The following CPSF7 variants were observed in gnomAD, a reference collection of about 807,000 sequenced individuals.
The protein encoded by CPSF7 is cleavage and polyadenylation specificity factor subunit 7.
CPSF7 carries 1 observed loss-of-function variant against 44.3 expected under a neutral mutation model. The observed-to-expected ratio is 0.02, with a 90% confidence interval of 0.01 to 0.11. The LOEUF is 0.11. CPSF7 is among the 10% of genes least tolerant of loss of function. The pLI, the probability that CPSF7 is intolerant of heterozygous loss-of-function variation, is 1.00. For synonymous variants in CPSF7, 202 were observed against 222.0 expected, an observed-to-expected ratio of 0.91 and a Z score of 0.80; for missense variants, 443 against 607.2, an observed-to-expected ratio of 0.73 and a Z score of 2.84.
chr11:61,423,636 A>C (rs933963370), intron 2 of CPSF7, among the ~76,000 whole-genome samples: 1 of 152,230 alleles, frequency 6.6e-6, no homozygotes, highest in African/African-American at 2.4e-5. Context: ...TTCTTTTAAA[A>C]AGGGAATAAA....
At chr11:61,412,756 C>A (rs1342151142) in intron 7 of CPSF7, among the ~76,000 whole-genome samples, 1 of 152,102 alleles carries the variant, frequency 6.6e-6, no homozygotes, top group African/African-American at 2.4e-5. Context: ...GCCAGGCACA[C>A]AGTAAGGATC....
intron 2 of CPSF7, among the ~76,000 whole-genome samples, chr11:61,425,215 G>A (rs1861243715): frequency 6.6e-6 from 1 of 152,148 alleles, no homozygotes. Flanking sequence ...GAAGAAACAA[G>A]GTATCAAATT....
At chr11:61,425,398 A>G (rs1565118626) in intron 2 of CPSF7, among the ~76,000 whole-genome samples, 1 of 152,258 alleles carries the variant, frequency 6.6e-6, no homozygotes, top group South Asian at 2.1e-4. Flanking sequence ...ACTGATGTTC[A>G]AAGTTTCATT....
rs1860759816 is a variant in CPSF7 at position 61,420,475 on chromosome 11, G to A, written c.372C>T (p.Ser124=). The A allele has an allele frequency of 6.2e-7, 1 of 1,611,684 alleles. No individual in the cohort carries two copies. Among genetic ancestry groups the A allele is most frequent in the South Asian group, 1.1e-5 (1 of 91,046 alleles). The change falls in exon 4 of 10, where the codon TCC becomes TCT. Residue 124 remains serine, a synonymous_variant. Transcript: ENST00000439958. ...KFAENRANGQ[S]KGYAEVVVAS... ...TTCTCAAATCCAGACCTCACCCTTT[G>A]GACTGGCCATTTGCTCGATTCTCTG...
intron 2 of CPSF7, among the ~76,000 whole-genome samples, chr11:61,424,269 A>C (rs2135391664): frequency 6.6e-6 from 1 of 152,350 alleles, no homozygotes; most frequent in South Asian, 2.1e-4. Flanking sequence ...TGTGTAAGTA[A>C]TCACTATAAA....
At chr11:61,415,919 A>G (rs2135321821) in intron 6 of CPSF7, 135 bp from the exon 7 acceptor site, 1 of 851,938 alleles carries the variant, frequency 1.2e-6, no homozygotes, top group South Asian at 1.7e-5. Flanking sequence ...CTGCTCCCGC[A>G]TTTAATTAAG....
intron 7 of CPSF7, among the ~76,000 whole-genome samples, chr11:61,414,390 T>TA (rs1336623408): frequency 5.9e-5 from 9 of 152,076 alleles, no homozygotes; most frequent in African/African-American, 2.2e-4. Context: ...TCAAGTGATT[T>TA]ACCGGCCTTG....
At chr11:61,424,800 A>G (rs757417085) in intron 2 of CPSF7, among the ~76,000 whole-genome samples, 9 of 152,322 alleles carry the variant, frequency 5.9e-5, no homozygotes, top group Middle Eastern at 6.8e-3. Flanking sequence ...TAAACAGAAT[A>G]AGGAAACACA....
intron 4 of CPSF7, 44 bp downstream of exon 4, chr11:61,420,426 C>T: frequency 6.7e-7 from 1 of 1,498,744 alleles, no homozygotes; most frequent in African/African-American, 1.4e-5. Context: ...TCTTTTATCC[C>T]AATGGTTACA....
intron 8 of CPSF7, 122 bp from the exon 9 acceptor site, chr11:61,411,227 C>G: frequency 1.0e-6 from 1 of 972,314 alleles, no homozygotes; most frequent in Non-Finnish European, 1.5e-6. Context: ...CATGGGCCTG[C>G]TGTCTGAGGA....
intron 2 of CPSF7, among the ~76,000 whole-genome samples, chr11:61,423,481 C>T (rs567334544): frequency 1.3e-5 from 2 of 152,190 alleles, no homozygotes; most frequent in South Asian, 4.2e-4. Flanking sequence ...TCAGAGAAAT[C>T]TTTTTAAGGA....
chr11:61,425,630 G>T (rs1046235276), intron 2 of CPSF7, among the ~76,000 whole-genome samples: 1 of 152,156 alleles, frequency 6.6e-6, no homozygotes, highest in Non-Finnish European at 1.5e-5. Context: ...CCCACTGAGG[G>T]AAGTAACTAG....
At chr11:61,419,843 C>T (rs2135356889) in intron 5 of CPSF7, 106 bp downstream of exon 5, 4 of 1,423,560 alleles carry the variant, frequency 2.8e-6, no homozygotes, top group East Asian at 2.3e-5. Flanking sequence ...CCCAAACTCA[C>T]CCACACTGTA....
chr11:61,419,906 G>C, intron 5 of CPSF7, 43 bp downstream of exon 5: 1 of 1,593,618 alleles, frequency 6.3e-7, no homozygotes, highest in South Asian at 1.1e-5. Flanking sequence ...CCCTCATACA[G>C]ATGGTCTCCA....
intron 1 of CPSF7, 32 bp downstream of exon 1, chr11:61,429,882 C>T: frequency 6.5e-7 from 1 of 1,526,880 alleles, no homozygotes; most frequent in Non-Finnish European, 8.8e-7. Context: ...CTCTTCCGGC[C>T]CAACCTGCCC....
rs370532750 is a variant in CPSF7, at chr11:61,411,095, G to A, written c.1237C>T (p.Arg413Cys). 4.4e-6 allele frequency: 7 copies of A among 1,608,674 alleles called. No individual in the cohort carries two copies. The highest frequency in any genetic ancestry group is 1.1e-5 in the South Asian group (1 of 90,454). ...ASGSSSRKRH[R>C]SRERSPSRSR... ...CGGCTAGGTGACCTTTCCCGGGAGC[G>A]ATGTCTTTTCCTATTAGAAAGATCC... is the stretch of plus-strand genomic sequence containing the variant. The change falls in exon 9 of 10, where the codon CGC becomes TGC. Residue 413 changes from arginine (R) to cysteine (C), a missense_variant. Physicochemically the swap from Arg to Cys is radical, Grantham distance 180. Transcript: ENST00000439958.
intron 4 of CPSF7, 94 bp downstream of exon 4, chr11:61,420,376 G>T: frequency 8.8e-7 from 1 of 1,132,554 alleles, no homozygotes; most frequent in South Asian, 1.4e-5. Context: ...TGGGCCAGGG[G>T]TGGGAGTGAT....
rs573081732 is a variant in CPSF7 at position 61,403,421 on chromosome 11, T to G, written c.*1289A>C. ...CAACCACATTACAATTTGGATGTTA[T>G]GGAAAAGCAATTCCATTTGCCTGTA... is the stretch of plus-strand genomic sequence containing the variant. On this transcript the variant is annotated 3_prime_UTR_variant, in exon 10 of 10. Coordinates refer to ENST00000439958, the MANE Select transcript of CPSF7 (RefSeq NM_001142565.3). 2.2e-4 allele frequency: 33 copies of G among 152,320 alleles called. No homozygotes were observed. Among genetic ancestry groups the G allele is most frequent in the African/African-American group, 7.7e-4 (32 of 41,562 alleles). The allele number at this position is 152,320 out of a possible 1,614,324, so 9.4% of individuals were successfully genotyped here. A position where few individuals can be genotyped will look rare whatever the true frequency, so the allele number is the denominator to read the frequency against.
intron 9 of CPSF7, among the ~76,000 whole-genome samples, chr11:61,406,705 T>G (rs908295544): frequency 6.6e-6 from 1 of 152,242 alleles, no homozygotes; most frequent in Admixed American, 6.5e-5. Context: ...AAGAGAGTTA[T>G]CCTCATAATG....
Sources: gnomAD v4.1 joint callset for allele counts (sites outside exome capture counted in the v4.1 genomes callset) on GRCh38, gnomAD v4.1.1 for gene constraint, MANE v1.5 for transcripts, NCBI Gene and HGNC (gene_info 2026-07-23, HGNC 2026-07-21) for gene names.